The following IPO5 variants were observed in gnomAD, a reference collection of about 807,000 sequenced individuals.
IPO5 encodes importin 5, also known as importin-5.
IPO5 carries 18 observed loss-of-function variants against 143.3 expected under a neutral mutation model. The observed-to-expected ratio is 0.13, with a 90% CI of 0.09 to 0.19. IPO5 has a LOEUF of 0.19. Among genes scored for constraint, IPO5 ranks in the 10% least tolerant of loss-of-function variants. The pLI, the probability that IPO5 is intolerant of heterozygous loss-of-function variation, is 1.00. For synonymous variants in IPO5, 477 were observed against 465.7 expected (o/e 1.02, Z -0.31); for missense variants, 1,013 against 1,336.9 (o/e 0.76, Z 3.78).
chr13:98,022,177 ATG>A lies in IPO5; in HGVS notation c.*361_*362del, dbSNP rs1890541233. ...CTTTAAGAACAGTTACTCAGCGTAGATGTGTGTTCACACAAATTGCTCTGCAT... is the reference window on the plus strand; with the variant it reads ...CTTTAAGAACAGTTACTCAGCGTAGATGTGTTCACACAAATTGCTCTGCAT... On this transcript the variant is annotated 3_prime_UTR_variant, in exon 29 of 29. Transcript: ENST00000651721. 3 of 167,630 alleles carry A rather than the reference ATG, an allele frequency of 1.8e-5. No homozygotes were observed. Among genetic ancestry groups the A allele is most frequent in the African/African-American group, 7.1e-5 (3 of 42,452 alleles). The allele number at this position is 167,630 out of a possible 1,614,324, so 10.4% of individuals were successfully genotyped here.
intron 2 of IPO5, among the ~76,000 whole-genome samples, chr13:97,955,463 T>C (rs977688888): frequency 1.2e-4 from 18 of 152,168 alleles, no homozygotes; most frequent in African/African-American, 4.3e-4. Context: ...TAAATGACAC[T>C]GTCTGATGGA....
chr13:98,006,900 C>G (rs1007871763), intron 17 of IPO5, among the ~76,000 whole-genome samples: 4 of 141,614 alleles, frequency 2.8e-5, no homozygotes, highest in African/African-American at 1.1e-4. Context: ...AAGTCTCACT[C>G]TATCACCCAG....
At chr13:97,967,671 G>T (rs919520163) in intron 2 of IPO5, among the ~76,000 whole-genome samples, 1 of 151,746 alleles carries the variant, frequency 6.6e-6, no homozygotes, top group African/African-American at 2.4e-5. Context: ...TCGCTCTGTC[G>T]CCCAGGCTGG....
Position 97,989,105 on chromosome 13 carries a change from T to G in IPO5, c.408T>G (p.Leu136=), listed in dbSNP as rs1039059973. ...AGTGGCCCGAAGGTTTGAAGTTCCT[T>G]TTTGATTCAGTCAGCTCTCAAAATG... ...NNQWPEGLKF[L]FDSVSSQNVG... The change falls in exon 7 of 29, where the codon CTT becomes CTG. Residue 136 remains leucine (L), a synonymous_variant. Coordinates refer to ENST00000651721, the MANE Select transcript of IPO5 (RefSeq NM_002271.6). 42 of 1,613,726 alleles carry G rather than the reference T, an allele frequency of 2.6e-5. No homozygotes were observed. The highest frequency in any genetic ancestry group is 3.5e-5 in the Non-Finnish European group (41 of 1,179,762).
At chr13:97,960,421 G>T (rs952475449) in intron 2 of IPO5, 1 of 152,142 alleles carries the variant, frequency 6.6e-6, no homozygotes. Context: ...TACTGTGAAT[G>T]ATAGGGGGAA....
At chr13:97,979,119 G>A (rs1016729812) in intron 4 of IPO5, among the ~76,000 whole-genome samples, 2 of 152,016 alleles carry the variant, frequency 1.3e-5, no homozygotes, top group East Asian at 1.9e-4. Flanking sequence ...TGAAATAAGC[G>A]TTTTATAAGA....
At chr13:98,005,387 T>G (rs1277046185) in intron 16 of IPO5, among the ~76,000 whole-genome samples, 1 of 149,888 alleles carries the variant, frequency 6.7e-6, no homozygotes, top group Non-Finnish European at 1.5e-5. Context: ...ATTTATTTAT[T>G]TATTTATTTA....
intron 13 of IPO5, 75 bp from the exon 14 acceptor site, chr13:98,002,392 T>G (rs1594102836): frequency 7.0e-7 from 1 of 1,422,684 alleles, no homozygotes; most frequent in Non-Finnish European, 9.7e-7. Context: ...ATAAGAACTT[T>G]TATACATCTC....
chr13:98,002,002 T>G (rs1368183278), intron 13 of IPO5: 1 of 152,370 alleles, frequency 6.6e-6, no homozygotes, highest in Non-Finnish European at 1.5e-5. Flanking sequence ...TTTTTTGTTT[T>G]TTTTGTTTGT....
intron 16 of IPO5, among the ~76,000 whole-genome samples, chr13:98,003,932 A>C (rs183807007): frequency 6.6e-6 from 1 of 152,204 alleles, no homozygotes; most frequent in Admixed American, 6.5e-5. Context: ...TGTAGAAGCA[A>C]CATCATTTTT....
chr13:97,999,803 A>G (rs946014241), intron 12 of IPO5, among the ~76,000 whole-genome samples: 2 of 152,154 alleles, frequency 1.3e-5, no homozygotes, highest in Admixed American at 6.5e-5. Context: ...CACAGTGGGG[A>G]AGATTATACA....
rs75777350 is a variant in IPO5 at position 97,961,401 on chromosome 13, G to A, written c.-113+7203G>A. Among the ~76,000 whole-genome samples, 1,450 of 152,246 alleles carry A rather than the reference G, an allele frequency of 9.5e-3. 84 individuals carry two copies. In the East Asian group the frequency reaches 0.17, roughly 18 times the overall value. ...GGCTGGAGTGCAATGGCACGATCTCGGCTCAACGCAACCTCTGCCTCCCAG... is the reference window on the plus strand; with the variant it reads ...GGCTGGAGTGCAATGGCACGATCTCAGCTCAACGCAACCTCTGCCTCCCAG... On this transcript the variant is annotated intron_variant, in intron 2 of 28. Coordinates refer to ENST00000651721, the MANE Select transcript of IPO5 (RefSeq NM_002271.6).
At chr13:97,976,298 C>CGACCCG (rs1886295948) in intron 3 of IPO5, among the ~76,000 whole-genome samples, 1 of 151,646 alleles carries the variant, frequency 6.6e-6, no homozygotes, top group Non-Finnish European at 1.5e-5. Flanking sequence ...ACCTCAACCC[C>CGACCCG]GACCCCGACC....
rs947995508 is a variant in IPO5, at chr13:98,024,078, C to T, written c.*2256C>T. The T allele has an allele frequency of 2.0e-5, 3 of 151,998 alleles. No individual in the cohort carries two copies. The highest frequency in any genetic ancestry group is 1.9e-4 in the East Asian group (1 of 5,184). The allele number at this position is 151,998 out of a possible 1,614,324, so 9.4% of individuals were successfully genotyped here. A position where few individuals can be genotyped will look rare whatever the true frequency, so the allele number is the denominator to read the frequency against. On this transcript the variant is annotated 3_prime_UTR_variant, in exon 29 of 29. Transcript: ENST00000651721. Reference sequence around the variant, plus strand: ...AGGGGAAAAATGTGTGTGGCTCTTACGTTTTCTGGGAATTTTGTAACAAGT... The same window carrying T: ...AGGGGAAAAATGTGTGTGGCTCTTATGTTTTCTGGGAATTTTGTAACAAGT...
intron 20 of IPO5, among the ~76,000 whole-genome samples, chr13:98,010,661 G>A (rs12429378): frequency 6.6e-6 from 1 of 152,052 alleles, no homozygotes; most frequent in Non-Finnish European, 1.5e-5. Flanking sequence ...GATATGGCAG[G>A]AAAATCAAAA....
In IPO5 at chr13:97,987,024, C is replaced by T. The variant is rs190879088; in HGVS notation, c.364+1411C>T. ...AGCCAACTAGCCTGCGGAGGTTGGT[C>T]ACGTGGTCACCCATCTTAATGAGTT... On this transcript the variant is annotated intron_variant, in intron 6 of 28. Coordinates refer to ENST00000651721, the MANE Select transcript of IPO5 (RefSeq NM_002271.6). The T allele has an allele frequency of 1.9e-3, 316 of 163,038 alleles. 3 individuals are homozygous for T. The highest frequency in any genetic ancestry group is 2.4e-3 in the South Asian group (13 of 5,446). The allele number at this position is 163,038 out of a possible 1,614,324, so 10.1% of individuals were successfully genotyped here. A position where few individuals can be genotyped will look rare whatever the true frequency, so the allele number is the denominator to read the frequency against.
At chr13:97,993,483 A>T (rs1594083667) in intron 11 of IPO5, among the ~76,000 whole-genome samples, 1 of 152,218 alleles carries the variant, frequency 6.6e-6, no homozygotes, top group Non-Finnish European at 1.5e-5. Flanking sequence ...AGACTCTATC[A>T]TTTATATGTT....
chr13:97,980,826 CAAAAAAAAAA>C (rs374921610), intron 4 of IPO5, among the ~76,000 whole-genome samples: 1 of 108,802 alleles, frequency 9.2e-6, no homozygotes, highest in Non-Finnish European at 1.8e-5. Flanking sequence ...GACTCTATCT[CAAAAAAAAAA>C]AAAAAAAAGT....
intron 11 of IPO5, among the ~76,000 whole-genome samples, chr13:97,995,962 G>C (rs1033522637): frequency 1.3e-5 from 2 of 152,064 alleles, no homozygotes; most frequent in Admixed American, 6.5e-5. Context: ...ACAATTTTTT[G>C]ACCAATCAGA....
Sources: allele counts gnomAD v4.1 joint callset (sites outside exome capture counted in the v4.1 genomes callset), GRCh38; gene constraint gnomAD v4.1.1; transcripts MANE v1.5; gene names NCBI Gene and HGNC (gene_info 2026-07-23, HGNC 2026-07-21).